Variants in AP2B1 observed in about 807,000 individuals in gnomAD.
AP2B1 encodes the protein AP-2 complex subunit beta.
A neutral mutation model predicts 102.0 loss-of-function variants in AP2B1; 23 were observed. The ratio of observed to expected loss-of-function variants is 0.23; its 90% CI spans 0.16 to 0.32. The LOEUF (loss-of-function observed/expected upper bound fraction) is 0.32. Ranked by LOEUF, AP2B1 falls within the 10% of genes least tolerant of loss-of-function variation. The probability of loss-of-function intolerance (pLI) is 1.00; values close to 1 mark genes in which losing one functional copy is unlikely to be tolerated. For missense variants in AP2B1, 541 were observed against 1,157.4 expected, an observed-to-expected ratio of 0.47 and a Z score of 7.73; for synonymous variants, 381 against 421.2, an observed-to-expected ratio of 0.90 and a Z score of 1.17.
chr17:35,598,555 T>C (rs2073369839), intron 3 of AP2B1, among the ~76,000 whole-genome samples: 1 of 152,186 alleles, frequency 6.6e-6, no homozygotes, highest in African/African-American at 2.4e-5. Context: ...GTTAGAACAG[T>C]GAAACGAGTT....
intron 11 of AP2B1, among the ~76,000 whole-genome samples, chr17:35,640,170 G>A (rs1047538715): frequency 6.6e-5 from 10 of 151,574 alleles, no homozygotes; most frequent in African/African-American, 2.2e-4. Context: ...ACCCGCCTCG[G>A]CCTCCCAGAG....
At chr17:35,632,575 T>C (rs1328903208) in intron 9 of AP2B1, among the ~76,000 whole-genome samples, 3 of 152,194 alleles carry the variant, frequency 2.0e-5, no homozygotes, top group African/African-American at 7.2e-5. Flanking sequence ...TACTGAATTT[T>C]GTATGTATTT....
intron 3 of AP2B1, among the ~76,000 whole-genome samples, chr17:35,599,518 G>T (rs1173636127): frequency 6.6e-6 from 1 of 152,242 alleles, no homozygotes; most frequent in Non-Finnish European, 1.5e-5. Context: ...ATAATGAAAT[G>T]TGTCAGCATA....
rs920414825 is a variant in AP2B1, at chr17:35,697,547, C to T, written c.2455-11677C>T. ...AGTGTTTTGGAGCCTCAGGGAAAAC[C>T]GAAATCATTTAGATGCCCGACAGGA... is the stretch of plus-strand genomic sequence containing the variant. On this transcript the variant is annotated intron_variant, in intron 18 of 21. Coordinates refer to ENST00000610402, the MANE Select transcript of AP2B1 (RefSeq NM_001030006.2). Among the ~76,000 whole-genome samples the T allele has an allele frequency of 2.6e-5, 4 of 152,154 alleles. No homozygotes were observed. In the South Asian group the frequency reaches 8.3e-4, roughly 32 times the overall value.
chr17:35,714,931 A>G (rs2143010446), intron 20 of AP2B1, among the ~76,000 whole-genome samples: 1 of 152,302 alleles, frequency 6.6e-6, no homozygotes, highest in East Asian at 1.9e-4. Context: ...GAAGGTCAAA[A>G]TGTGTTTTAA....
intron 2 of AP2B1, among the ~76,000 whole-genome samples, chr17:35,595,047 G>T (rs1354031313): frequency 1.3e-5 from 2 of 152,200 alleles, no homozygotes; most frequent in East Asian, 3.8e-4. Flanking sequence ...AAGTATTCCA[G>T]ACATGGCGCC....
intron 18 of AP2B1, 110 bp from the exon 19 acceptor site, chr17:35,709,114 A>T (rs2076398910): frequency 1.1e-6 from 1 of 898,740 alleles, no homozygotes; most frequent in Middle Eastern, 2.6e-4. Context: ...ACCTGCACTG[A>T]GAGAAAGAGG....
intron 13 of AP2B1, among the ~76,000 whole-genome samples, chr17:35,656,755 G>C (rs2075234721): frequency 6.6e-6 from 1 of 152,172 alleles, no homozygotes; most frequent in Middle Eastern, 3.4e-3. Context: ...CACGGTGGTG[G>C]GCGCCTGTAG....
At chr17:35,608,781 AT>A (rs2073770277) in intron 5 of AP2B1, among the ~76,000 whole-genome samples, 1 of 152,166 alleles carries the variant, frequency 6.6e-6, no homozygotes, top group Admixed American at 6.6e-5. Flanking sequence ...TTATTACCTA[AT>A]TATTATCATG....
chr17:35,589,748 TGA>T (rs1336092165), intron 1 of AP2B1, among the ~76,000 whole-genome samples: 1 of 152,200 alleles, frequency 6.6e-6, no homozygotes, highest in Admixed American at 6.5e-5. Flanking sequence ...TTGTCTGGTT[TGA>T]TCTGGTAGAA....
intron 5 of AP2B1, among the ~76,000 whole-genome samples, chr17:35,623,338 C>T (rs1362817776): frequency 6.6e-6 from 1 of 151,910 alleles, no homozygotes; most frequent in Non-Finnish European, 1.5e-5. Context: ...CTGAGGCAGG[C>T]AGATCACCTG....
intron 10 of AP2B1, among the ~76,000 whole-genome samples, chr17:35,638,681 C>T (rs943424122): frequency 2.7e-5 from 4 of 150,282 alleles, no homozygotes; most frequent in Non-Finnish European, 5.9e-5. Context: ...CCCAGCTACT[C>T]GGGAGGCTGA....
chr17:35,659,963 A>T, intron 14 of AP2B1: 1 of 985,464 alleles, frequency 1.0e-6, no homozygotes, highest in Non-Finnish European at 1.2e-6. Context: ...GTGTGGAAGA[A>T]GATGAGTTTC....
intron 5 of AP2B1, among the ~76,000 whole-genome samples, chr17:35,618,288 A>T (rs2074080311): frequency 6.6e-6 from 1 of 152,182 alleles, no homozygotes. Context: ...TGTAAAGGAG[A>T]TAGCAATATT....
At chr17:35,610,524 A>C (rs1161360647) in intron 5 of AP2B1, among the ~76,000 whole-genome samples, 2 of 151,774 alleles carry the variant, frequency 1.3e-5, no homozygotes, top group Non-Finnish European at 2.9e-5. Context: ...GCACTTTGGG[A>C]GGCTGAGGCA....
intron 14 of AP2B1, among the ~76,000 whole-genome samples, chr17:35,660,563 A>C (rs2075337096): frequency 6.9e-6 from 1 of 144,722 alleles, no homozygotes; most frequent in Non-Finnish European, 1.5e-5. Context: ...GGCTCACTGC[A>C]ACCTCACCTC....
chr17:35,672,029 G>A (rs747856825), intron 16 of AP2B1, 129 bp downstream of exon 16: 118 of 1,028,204 alleles, frequency 1.1e-4, no homozygotes, highest in Non-Finnish European at 1.6e-4. Flanking sequence ...AGGACTTAGA[G>A]GAAGATGAAA....
chr17:35,726,238 G>A lies in AP2B1; in HGVS notation c.*2539G>A, dbSNP rs2085514241. ...CTGTCCTCACCCAAGCCTGCTCTGT[G>A]TCTGTGTTGTGAAGCTTGAGACTCT... On this transcript the variant is annotated 3_prime_UTR_variant, in exon 22 of 22. Coordinates refer to ENST00000610402, the MANE Select transcript of AP2B1 (RefSeq NM_001030006.2). 6.6e-6 allele frequency: 1 copy of A among 151,114 alleles called. No individual in the cohort carries two copies. The highest frequency in any genetic ancestry group is 2.4e-5 in the African/African-American group (1 of 41,128). 9.4% of individuals were successfully genotyped at this position (151,114 alleles called of 1,614,324 possible).
At chr17:35,617,787 A>G (rs1021623168) in intron 5 of AP2B1, among the ~76,000 whole-genome samples, 4 of 152,164 alleles carry the variant, frequency 2.6e-5, no homozygotes, top group African/African-American at 9.7e-5. Context: ...GTGTGATAAT[A>G]AGTGTTTTAT....
Sources: gnomAD v4.1 joint callset for allele counts (sites outside exome capture counted in the v4.1 genomes callset) on GRCh38, gnomAD v4.1.1 for gene constraint, MANE v1.5 for transcripts, NCBI Gene and HGNC (gene_info 2026-07-23, HGNC 2026-07-21) for gene names.